The following PRRC2B variants were observed in gnomAD, a reference collection of about 807,000 sequenced individuals.
PRRC2B encodes protein PRRC2B.
In PRRC2B, 68 loss-of-function variants were observed where a neutral mutation model predicts 242.3. That is an observed-to-expected ratio of 0.28 (90% CI 0.23 to 0.34). The LOEUF is 0.34. Ranked by LOEUF, PRRC2B falls within the 10% of genes least tolerant of loss-of-function variation. The pLI, the probability that PRRC2B is intolerant of heterozygous loss-of-function variation, is 1.00. For synonymous variants in PRRC2B, 1,228 were observed against 1,173.6 expected (o/e 1.05, Z -0.95); for missense variants, 2,835 against 2,954.8 (o/e 0.96, Z 0.94).
At chr9:131,464,612 G>T (rs1943338933) in intron 11 of PRRC2B, 151 bp from the exon 12 acceptor site, 4 of 680,234 alleles carry the variant, frequency 5.9e-6, no homozygotes, top group Admixed American at 3.0e-5. Context: ...GCCAGAGCAG[G>T]ATTCGAACCC....
At chr9:131,491,655 C>A (rs1944199019) in intron 29 of PRRC2B, 75 bp downstream of exon 29, 2 of 1,374,366 alleles carry the variant, frequency 1.5e-6, no homozygotes, top group Admixed American at 2.5e-5. Flanking sequence ...AAGCTAAGTA[C>A]CCCTGTGTGG....
At chr9:131,402,208 G>A (rs867477711) in intron 1 of PRRC2B, among the ~76,000 whole-genome samples, 5 of 152,142 alleles carry the variant, frequency 3.3e-5, no homozygotes, top group African/African-American at 7.2e-5. Context: ...TGCCTGCCTC[G>A]GCTTCCCAGA....
rs547006840 is a variant in PRRC2B, at chr9:131,374,677, C to T, written c.-56+946C>T. Among the ~76,000 whole-genome samples, 8 of 152,234 alleles carry T rather than the reference C, an allele frequency of 5.3e-5. No homozygotes were observed. The East Asian group carries it at 1.5e-3, about 29-fold the overall frequency. On this transcript the variant is annotated intron_variant, in intron 1 of 1. Coordinates refer to the PRRC2B transcript ENST00000682525. ...AGTAGTTTGGGATTATAGGCATGCACCACCACGTCCAGCTAATTTTTGTAT... is the reference window on the plus strand; with the variant it reads ...AGTAGTTTGGGATTATAGGCATGCATCACCACGTCCAGCTAATTTTTGTAT...
chr9:131,394,227 A>G lies in PRRC2B; in HGVS notation c.-88A>G, dbSNP rs2131272866. On this transcript the variant is annotated 5_prime_UTR_variant, in exon 1 of 32. Transcript: ENST00000683519. ...CGTGCCCGACCGCCGCCCGACTGCC[A>G]TCGCCCGGCCCGGCCGCGCCCGCGG... 6.8e-6 allele frequency: 1 copy of G among 147,210 alleles called. No homozygotes were observed. The highest frequency in any genetic ancestry group is 1.8e-4 in the South Asian group (1 of 5,558). The allele number at this position is 147,210 out of a possible 1,614,324, so 9.1% of individuals were successfully genotyped here. A position where few individuals can be genotyped will look rare whatever the true frequency, so the allele number is the denominator to read the frequency against.
Position 131,488,019 on chromosome 9 carries a change from G to C in PRRC2B, c.6148G>C (p.Ala2050Pro), listed in dbSNP as rs1162776312. The change falls in exon 28 of 32, where the codon GCC becomes CCC. Residue 2050 changes from alanine to proline, a missense_variant. Ala to Pro is a conservative substitution (Grantham distance 27). Coordinates refer to ENST00000683519, the MANE Select transcript of PRRC2B (RefSeq NM_013318.4). ...SPYQPMSGNQ[A>P]LVYEGQLSQA... ...CTACCAGCCCATGAGCGGGAACCAA[G>C]CCCTGGTCTACGAGGGCCAGCTCAG... 5.6e-6 allele frequency: 9 copies of C among 1,612,418 alleles called. No individual in the cohort carries two copies. In the South Asian group the frequency reaches 9.9e-5, roughly 18 times the overall value.
At chr9:131,430,550 G>GT (rs1838119816) in intron 2 of PRRC2B, among the ~76,000 whole-genome samples, 47 of 82,716 alleles carry the variant, frequency 5.7e-4, no homozygotes, top group Admixed American at 1.7e-3. Context: ...GATATCTATA[G>GT]GTGTGTGTGT....
At chr9:131,429,348 A>C (rs1838063319) in intron 1 of PRRC2B, among the ~76,000 whole-genome samples, 1 of 152,220 alleles carries the variant, frequency 6.6e-6, no homozygotes, top group Non-Finnish European at 1.5e-5. Flanking sequence ...CACATTAGAA[A>C]GTGGCAGAGG....
At chr9:131,492,421 T>C (rs1944222188) in intron 30 of PRRC2B, among the ~76,000 whole-genome samples, 161 bp downstream of exon 30, 1 of 152,226 alleles carries the variant, frequency 6.6e-6, no homozygotes, top group Admixed American at 6.5e-5. Flanking sequence ...GATGCACTTG[T>C]GTTCCAGTTA....
At chr9:131,424,604 T>G (rs918063555) in intron 1 of PRRC2B, among the ~76,000 whole-genome samples, 5 of 152,200 alleles carry the variant, frequency 3.3e-5, no homozygotes, top group African/African-American at 1.2e-4. Flanking sequence ...GAGAATCACT[T>G]GAACCTGGGA....
chr9:131,456,326 A>G (rs1943075619), intron 10 of PRRC2B, among the ~76,000 whole-genome samples: 1 of 150,562 alleles, frequency 6.6e-6, no homozygotes, highest in African/African-American at 2.5e-5. Flanking sequence ...TGTTAGTAGC[A>G]CTTTTAAAAT....
rs1943913937 is a variant in PRRC2B, at chr9:131,482,988, T to C, written c.5373+81T>C. On this transcript the variant is annotated intron_variant, in intron 22 of 31. Coordinates refer to ENST00000683519, the MANE Select transcript of PRRC2B (RefSeq NM_013318.4). This position sits in a 1 kb window ranked among gnomAD's most constrained non-coding sequence, Gnocchi z 5.2. ...GGAGAGGCTGGGGGCTCAGATGGGATTGTCTCCTAGAAGGAATAGAAGGAT... is the reference window on the plus strand; with the variant it reads ...GGAGAGGCTGGGGGCTCAGATGGGACTGTCTCCTAGAAGGAATAGAAGGAT... 2.0e-6 allele frequency: 3 copies of C among 1,483,210 alleles called. No individual in the cohort carries two copies. The highest frequency in any genetic ancestry group is 4.0e-5 in the Admixed American group (2 of 50,414). The allele number at this position is 1,483,210 out of a possible 1,614,324, so 91.9% of individuals were successfully genotyped here.
At chr9:131,420,493 C>CTTTCTTTCTTTTTTTTTTTT in intron 1 of PRRC2B, among the ~76,000 whole-genome samples, 2 of 30,164 alleles carry the variant, frequency 6.6e-5, no homozygotes, top group Non-Finnish European at 1.3e-4. Flanking sequence ...TTCTTTCTTT[C>CTTTCTTTCTTTTTTTTTTTT]TTTTTTTTTT....
At chr9:131,403,771 C>T (rs961890240) in intron 1 of PRRC2B, among the ~76,000 whole-genome samples, 2 of 151,896 alleles carry the variant, frequency 1.3e-5, no homozygotes, top group African/African-American at 2.4e-5. Context: ...CTTTGTTTAT[C>T]CTTCTAGGCT....
chr9:131,481,837 C>G, intron 20 of PRRC2B, 29 bp downstream of exon 20: 1 of 1,535,360 alleles, frequency 6.5e-7, no homozygotes, highest in Non-Finnish European at 8.8e-7. Context: ...CACATGCTGC[C>G]CCTGGGATGA....
At position 131,487,271 on chromosome 9, in the gene PRRC2B, C is replaced by G; in HGVS notation, c.5961C>G (p.Ile1987Met). The G allele has an allele frequency of 6.2e-7, 1 of 1,611,460 alleles. No individual in the cohort carries two copies. The highest frequency in any genetic ancestry group is 8.5e-7 in the Non-Finnish European group (1 of 1,178,588). ...GGLPVSQSQEIFSSLQPFRSQ... is the reference protein window; with the variant it reads ...GGLPVSQSQEMFSSLQPFRSQ... ...TTCCTGTGTCCCAGTCCCAGGAGATCTTCAGCTCCTTGCAGCCCTTCAGGT... is the reference window on the plus strand; with the variant it reads ...TTCCTGTGTCCCAGTCCCAGGAGATGTTCAGCTCCTTGCAGCCCTTCAGGT... The change falls in exon 27 of 32, where the codon ATC (isoleucine) becomes ATG (methionine). Residue 1987 changes from isoleucine (I) to methionine (M), a missense_variant. This residue lies in a region of PRRC2B where 574 missense variants were observed against 626.0 expected (regional missense o/e 0.92). Coordinates refer to ENST00000683519, the MANE Select transcript of PRRC2B (RefSeq NM_013318.4). The surrounding 1 kb of genome is among the most constrained non-coding windows in gnomAD (Gnocchi z 5.3).
chr9:131,494,390 C>T lies in PRRC2B; in HGVS notation c.6474-15C>T. 6.7e-7 allele frequency: 1 copy of T among 1,495,378 alleles called. No individual in the cohort carries two copies. Among genetic ancestry groups the T allele is most frequent in the African/African-American group, 1.4e-5 (1 of 72,524 alleles). 92.6% of individuals were successfully genotyped at this position (1,495,378 alleles called of 1,614,324 possible). A position where few individuals can be genotyped will look rare whatever the true frequency, so the allele number is the denominator to read the frequency against. On this transcript the variant is annotated splice_polypyrimidine_tract_variant and intron_variant, in intron 30 of 31. Coordinates refer to ENST00000683519, the MANE Select transcript of PRRC2B (RefSeq NM_013318.4). The surrounding 1 kb of genome is among the most constrained non-coding windows in gnomAD (Gnocchi z 4.3). ...CACGTTGTGTATTCTCAACCCCTGC[C>T]TTTGGTTTTTTCAGGCCTAGCTCTG...
Position 131,467,674 on chromosome 9 carries a change from C to G in PRRC2B, c.1832C>G (p.Ala611Gly). The part of the protein sequence containing the change: ...SNSSEEEARE[A>G]GSPAQEFKYQ... ...AGCAGTGAGGAAGAGGCCAGAGAGG[C>G]TGGGTCCCCTGCACAGGAGTTCAAG... The change falls in exon 13 of 32, where the codon GCT becomes GGT. Residue 611 changes from alanine (A) to glycine (G), a missense_variant. Physicochemically the swap from Ala to Gly is moderately conservative, Grantham distance 60 (BLOSUM62 0). Around this residue, in one of 7 missense-constraint regions of PRRC2B, gnomAD observed 1,536 missense variants for 1,483.1 expected, o/e 1.04. Coordinates refer to ENST00000683519, the MANE Select transcript of PRRC2B (RefSeq NM_013318.4). 1 of 1,613,980 alleles carries G rather than the reference C, an allele frequency of 6.2e-7. No homozygotes were observed. Among genetic ancestry groups the G allele is most frequent in the Non-Finnish European group, 8.5e-7 (1 of 1,179,886 alleles).
chr9:131,446,407 C>T lies in PRRC2B; in HGVS notation c.620C>T (p.Thr207Ile). 1 of 1,613,730 alleles carries T rather than the reference C, an allele frequency of 6.2e-7. No individual in the cohort carries two copies. The highest frequency in any genetic ancestry group is 8.5e-7 in the Non-Finnish European group (1 of 1,179,842). Residue 207 changes from threonine (T) to isoleucine (I), a missense_variant, in exon 7 of 32, where the codon ACA becomes ATA. Thr to Ile is a moderately conservative substitution (Grantham distance 89). Transcript: ENST00000683519. The surrounding 1 kb of genome is among the most constrained non-coding windows in gnomAD (Gnocchi z 4.1). ...GCCCCCTTTCAATTTCCAGATGTGA[C>T]AAGCTGGAGGGAGGGCGGTGGGCGA... ...PGPSLRPQNVTSWREGGGRHI... is the reference protein window; with the variant it reads ...PGPSLRPQNVISWREGGGRHI...
Position 131,479,345 on chromosome 9 carries a change from G to A in PRRC2B, c.4852G>A (p.Val1618Met), listed in dbSNP as rs535052503. Reference sequence around the variant, plus strand: ...ATGTCTGGAGCAAGGTGACGTGACCGTGCCTGGCAGCAGCCTGGGCACTGA... The same window carrying A: ...ATGTCTGGAGCAAGGTGACGTGACCATGCCTGGCAGCAGCCTGGGCACTGA... ...NLCLEQGDVT[V>M]PGSSLGTEIW... The change falls in exon 19 of 32, where the codon GTG becomes ATG. Residue 1618 changes from valine to methionine, a missense_variant. Physicochemically the swap from Val to Met is conservative, Grantham distance 21. Around this residue, in one of 7 missense-constraint regions of PRRC2B, gnomAD observed 1,536 missense variants for 1,483.1 expected, o/e 1.04. Transcript: ENST00000683519. 2.6e-5 allele frequency: 42 copies of A among 1,613,884 alleles called. No individual in the cohort carries two copies. The highest frequency in any genetic ancestry group is 8.9e-5 in the East Asian group (4 of 44,872).
Sources: gnomAD v4.1 joint callset for allele counts (sites outside exome capture counted in the v4.1 genomes callset) on GRCh38, gnomAD v4.1.1 for gene constraint, gnomAD v4.1.1 regional missense constraint, Gnocchi (gnomAD v3.1) non-coding constraint, MANE v1.5 for transcripts, NCBI Gene and HGNC (gene_info 2026-07-23, HGNC 2026-07-21) for gene names.